HEMK1: variants seen among roughly 807,000 people sequenced by gnomAD.
HEMK1 encodes MTRF1L release factor glutamine methyltransferase.
A neutral mutation model predicts 47.9 loss-of-function variants in HEMK1; 36 were observed. The ratio of observed to expected loss-of-function variants is 0.75; its 90% confidence interval spans 0.58 to 0.99. HEMK1 has a LOEUF of 0.99. HEMK1 is among the 50% of genes least tolerant of loss of function. The pLI is 0.00. For missense variants in HEMK1, 383 were observed against 434.5 expected (o/e 0.88, Z 1.05); for synonymous variants, 153 against 165.4 (o/e 0.93, Z 0.57).
At chr3:50,578,003 C>CGTGT in intron 7 of HEMK1, 128 bp downstream of exon 7, 11 of 843,028 alleles carry the variant, frequency 1.3e-5, no homozygotes, top group Non-Finnish European at 2.3e-5. Context: ...AACACACACA[C>CGTGT]ATACACGTGT....
chr3:50,571,943 G>A (rs541585661), intron 3 of HEMK1, 142 bp downstream of exon 3: 123 of 1,291,356 alleles, frequency 9.5e-5, no homozygotes, highest in South Asian at 5.7e-4. Flanking sequence ...GAGTGGGGCC[G>A]GGGTACTGAA....
rs777647459 is a variant in HEMK1, at chr3:50,579,944, G to A, written c.866+5G>A. On this transcript the variant is annotated splice_donor_5th_base_variant and intron_variant, in intron 9 of 10. Transcript: ENST00000232854. ...CCGGCTCCTGAAAGACTCTGGGTAT[G>A]AATGGGATGGGTCTCCTAGGTCTGT... The A allele has an allele frequency of 6.2e-7, 1 of 1,609,612 alleles. No individual in the cohort carries two copies. The highest frequency in any genetic ancestry group is 8.5e-7 in the Non-Finnish European group (1 of 1,176,110).
Position 50,577,590 on chromosome 3 carries a change from C to T in HEMK1, c.614+17C>T, listed in dbSNP as rs1398932150. The T allele has an allele frequency of 6.2e-7, 1 of 1,609,858 alleles. No homozygotes were observed. The highest frequency in any genetic ancestry group is 1.7e-5 in the Admixed American group (1 of 60,016). On this transcript the variant is annotated intron_variant, in intron 6 of 10. Transcript: ENST00000232854. ...TGCTCAGAGGTAGGTGGGGGAGTTG[C>T]ACTTTGGGGCCTAATCTTGACTCCT...
In HEMK1 at chr3:50,577,421, G is replaced by C. The variant is rs1234998294; in HGVS notation, c.550-88G>C. ...GGGTATTTCCCTTCTCTTCTGGTGG[G>C]GGGTTGGAGGAGGGTCCCCCAGGCC... is the stretch of plus-strand genomic sequence containing the variant. On this transcript the variant is annotated intron_variant, in intron 5 of 10. Transcript: ENST00000232854. The C allele has an allele frequency of 1.8e-5, 23 of 1,307,930 alleles. 1 individual carries two copies. Among genetic ancestry groups the C allele is most frequent in the Non-Finnish European group, 2.6e-5 (23 of 901,382 alleles). The allele number at this position is 1,307,930 out of a possible 1,614,324, so 81.0% of individuals were successfully genotyped here.
intron 8 of HEMK1, among the ~76,000 whole-genome samples, chr3:50,579,578 ACATGAGTCAGTG>A (rs1267405216): frequency 2.0e-5 from 3 of 152,168 alleles, no homozygotes; most frequent in African/African-American, 7.2e-5. Context: ...TCATGCCCTG[ACATGAGTCAGTG>A]CATCAAGAGA....
rs1224950196 is a variant in HEMK1 at position 50,589,870 on chromosome 3, C to A, written c.*9453C>A. 1 of 151,952 alleles carries A rather than the reference C, an allele frequency of 6.6e-6. No homozygotes were observed. The highest frequency in any genetic ancestry group is 1.9e-4 in the East Asian group (1 of 5,192). The allele number at this position is 151,952 out of a possible 1,614,324, so 9.4% of individuals were successfully genotyped here. ...CAAGATCACGCCATTGTACTCCCAC[C>A]CAGGCAACAAGAGCAAAACTCTGTC... On this transcript the variant is annotated 3_prime_UTR_variant, in exon 11 of 11. Transcript: ENST00000232854.
Position 50,572,146 on chromosome 3 carries a change from G to T in HEMK1, c.352G>T (p.Asp118Tyr). 1 of 1,613,956 alleles carries T rather than the reference G, an allele frequency of 6.2e-7. No individual in the cohort carries two copies. Among genetic ancestry groups the T allele is most frequent in the Non-Finnish European group, 8.5e-7 (1 of 1,179,948 alleles). Reference sequence around the variant, plus strand: ...GGTGCAGTACATCCTTGGAGAGTGGGACTTCCAGGGGCTCAGCCTAAGGAT... The same window carrying T: ...GGTGCAGTACATCCTTGGAGAGTGGTACTTCCAGGGGCTCAGCCTAAGGAT... ...MPVQYILGEWDFQGLSLRMVP... is the reference protein window; with the variant it reads ...MPVQYILGEWYFQGLSLRMVP... The change falls in exon 4 of 11, where the codon GAC becomes TAC. Residue 118 changes from aspartate (D) to tyrosine (Y), a missense_variant. Asp to Tyr is a radical substitution (Grantham distance 160). Transcript: ENST00000232854.
chr3:50,575,508 C>T (rs954926763), intron 4 of HEMK1, among the ~76,000 whole-genome samples: 2 of 152,146 alleles, frequency 1.3e-5, no homozygotes, highest in Non-Finnish European at 1.5e-5. Context: ...GGACACACTG[C>T]GATGAGTCAG....
intron 4 of HEMK1, among the ~76,000 whole-genome samples, chr3:50,574,141 C>A (rs892761684): frequency 3.9e-5 from 6 of 152,204 alleles, no homozygotes; most frequent in African/African-American, 9.7e-5. Context: ...CAACTGCCTG[C>A]CCCTCACCTC....
chr3:50,575,238 C>T (rs535810452), intron 4 of HEMK1, among the ~76,000 whole-genome samples: 31 of 152,186 alleles, frequency 2.0e-4, no homozygotes, highest in South Asian at 1.7e-3. Flanking sequence ...GCCTGACCAA[C>T]GTGGAGAAAC....
In HEMK1 at chr3:50,571,072, C is replaced by T. The variant is rs1461812786; in HGVS notation, c.-33C>T. 1.3e-6 allele frequency: 2 copies of T among 1,514,060 alleles called. No homozygotes were observed. The highest frequency in any genetic ancestry group is 2.5e-5 in the South Asian group (2 of 79,738). 93.8% of individuals were successfully genotyped at this position (1,514,060 alleles called of 1,614,324 possible). On this transcript the variant is annotated 5_prime_UTR_variant, in exon 2 of 11. Transcript: ENST00000232854. ...GACATCATAAAGCAGACTTGGGAAC[C>T]TGGAAGCACTCTGGAGAACCTTTCC...
chr3:50,575,963 G>A (rs939190186), intron 4 of HEMK1, among the ~76,000 whole-genome samples: 2 of 152,226 alleles, frequency 1.3e-5, no homozygotes, highest in Admixed American at 6.5e-5. Context: ...GGGTAGGCAA[G>A]GCTTGAAACC....
In HEMK1 at chr3:50,594,337, G is replaced by C. The variant is rs1313835873; in HGVS notation, c.*13920G>C. On this transcript the variant is annotated 3_prime_UTR_variant, in exon 11 of 11. Coordinates refer to ENST00000232854, the MANE Select transcript of HEMK1 (RefSeq NM_016173.5). ...GTGAGCTGATTGCCAGGACTACACTGTCATACTGTGGTACCAAAGAAAAAT... is the reference window on the plus strand; with the variant it reads ...GTGAGCTGATTGCCAGGACTACACTCTCATACTGTGGTACCAAAGAAAAAT... 1 of 152,102 alleles carries C rather than the reference G, an allele frequency of 6.6e-6. No homozygotes were observed. The highest frequency in any genetic ancestry group is 1.5e-5 in the Non-Finnish European group (1 of 68,034). The allele number at this position is 152,102 out of a possible 1,614,324, so 9.4% of individuals were successfully genotyped here.
Position 50,579,881 on chromosome 3 carries a change from G to A in HEMK1, c.808G>A (p.Gly270Ser), listed in dbSNP as rs2030505030. 1 of 1,613,974 alleles carries A rather than the reference G, an allele frequency of 6.2e-7. No individual in the cohort carries two copies. Among genetic ancestry groups the A allele is most frequent in the Non-Finnish European group, 8.5e-7 (1 of 1,179,954 alleles). Residue 270 changes from glycine to serine, a missense_variant, in exon 9 of 11, where the codon GGC becomes AGC. Gly to Ser is a moderately conservative substitution (Grantham distance 56). Coordinates refer to ENST00000232854, the MANE Select transcript of HEMK1 (RefSeq NM_016173.5). ...CGCGGCCCTGGATGGTGGGGAGGAG[G>A]GCATGGACATCATTACCCACATTCT... The part of the protein sequence containing the change: ...DPAALDGGEE[G>S]MDIITHILAL...
chr3:50,571,900 G>A, intron 3 of HEMK1, 99 bp downstream of exon 3: 1 of 1,365,694 alleles, frequency 7.3e-7, no homozygotes, highest in Non-Finnish European at 1.0e-6. Flanking sequence ...AATGTCCAAG[G>A]ACTAGGGAGG....
In HEMK1 at chr3:50,580,243, C is replaced by T. The variant is rs2030590190; in HGVS notation, c.980+14C>T. 1 of 1,610,308 alleles carries T rather than the reference C, an allele frequency of 6.2e-7. No homozygotes were observed. Among genetic ancestry groups the T allele is most frequent in the Non-Finnish European group, 8.5e-7 (1 of 1,176,534 alleles). On this transcript the variant is annotated intron_variant, in intron 10 of 10. Coordinates refer to ENST00000232854, the MANE Select transcript of HEMK1 (RefSeq NM_016173.5). Reference sequence around the variant, plus strand: ...CTTCTGTGGGAGGTAAGATCCTAGCCCCCTTTAGCCCTGTAGCATGCTGGT... The same window carrying T: ...CTTCTGTGGGAGGTAAGATCCTAGCTCCCTTTAGCCCTGTAGCATGCTGGT...
At chr3:50,574,760 C>T (rs951388407) in intron 4 of HEMK1, among the ~76,000 whole-genome samples, 2 of 152,202 alleles carry the variant, frequency 1.3e-5, no homozygotes, top group African/African-American at 4.8e-5. Context: ...TAGTGCCTGG[C>T]ACAGGGCTGG....
In HEMK1 at chr3:50,569,534, C is replaced by T. The variant is rs1004163944; in HGVS notation, c.-215C>T. The T allele has an allele frequency of 1.3e-5, 2 of 150,588 alleles. No homozygotes were observed. The highest frequency in any genetic ancestry group is 2.9e-5 in the Non-Finnish European group (2 of 68,028). The allele number at this position is 150,588 out of a possible 1,614,324, so 9.3% of individuals were successfully genotyped here. ...CGTCCGGGCGTCCAGTTCGGGGCAGCTTCTCCGGCTGGTGGGTGGGTGGGG... is the reference window on the plus strand; with the variant it reads ...CGTCCGGGCGTCCAGTTCGGGGCAGTTTCTCCGGCTGGTGGGTGGGTGGGG... On this transcript the variant is annotated 5_prime_UTR_variant, in exon 1 of 11. Transcript: ENST00000232854.
In HEMK1 at chr3:50,585,035, G is replaced by C. The variant is rs2031236789; in HGVS notation, c.*4618G>C. 1 of 152,186 alleles carries C rather than the reference G, an allele frequency of 6.6e-6. No individual in the cohort carries two copies. Among genetic ancestry groups the C allele is most frequent in the Non-Finnish European group, 1.5e-5 (1 of 68,068 alleles). The allele number at this position is 152,186 out of a possible 1,614,324, so 9.4% of individuals were successfully genotyped here. On this transcript the variant is annotated 3_prime_UTR_variant, in exon 11 of 11. Transcript: ENST00000232854. The stretch of plus-strand genomic sequence containing the variant: ...TTTTTACTCATATTTGGAGAGAGGT[G>C]GCCCTTTCCCAGAGTGAGAAGACTG...
Sources: gnomAD v4.1 joint callset for allele counts (sites outside exome capture counted in the v4.1 genomes callset) on GRCh38, gnomAD v4.1.1 for gene constraint, MANE v1.5 for transcripts, NCBI Gene and HGNC (gene_info 2026-07-23, HGNC 2026-07-21) for gene names.